The following RIN3 variants were observed in gnomAD, a reference collection of about 807,000 sequenced individuals.
The protein encoded by RIN3 is Ras and Rab interactor 3.
RIN3 carries 54 observed loss-of-function variants against 76.3 expected under a neutral mutation model. That is an observed-to-expected ratio of 0.71 (90% CI 0.57 to 0.89). RIN3 has a LOEUF of 0.89. RIN3 is among the 40% of genes least tolerant of loss of function. The pLI is 0.00. For synonymous variants in RIN3, 576 were observed against 564.0 expected, an observed-to-expected ratio of 1.02 and a Z score of -0.30; for missense variants, 1,256 against 1,322.1, an observed-to-expected ratio of 0.95 and a Z score of 0.78.
chr14:92,662,742 C>T (rs1255226955), intron 7 of RIN3, among the ~76,000 whole-genome samples: 1 of 152,162 alleles, frequency 6.6e-6, no homozygotes, highest in Non-Finnish European at 1.5e-5. Context: ...GGGGCAATTC[C>T]ATTCTCAATG....
chr14:92,582,442 C>T (rs979046633), intron 3 of RIN3, among the ~76,000 whole-genome samples: 3 of 117,554 alleles, frequency 2.6e-5, no homozygotes, highest in Non-Finnish European at 5.0e-5. Context: ...TCCTTTTTTA[C>T]TTTTTTTTTT....
At chr14:92,645,965 A>G (rs929946651) in intron 5 of RIN3, among the ~76,000 whole-genome samples, 1 of 142,548 alleles carries the variant, frequency 7.0e-6, no homozygotes, top group African/African-American at 2.6e-5. Flanking sequence ...AAAAAAAAAA[A>G]GCTCTAAAAT....
At chr14:92,560,066 G>C (rs1897717733) in intron 2 of RIN3, among the ~76,000 whole-genome samples, 1 of 152,222 alleles carries the variant, frequency 6.6e-6, no homozygotes, top group African/African-American at 2.4e-5. Flanking sequence ...AGGCCACGGG[G>C]CTTAGTTCAT....
In RIN3 at chr14:92,555,871, G is replaced by C. The variant is rs949731165; in HGVS notation, c.165G>C (p.Lys55Asn). 1.2e-5 allele frequency: 19 copies of C among 1,614,048 alleles called. No homozygotes were observed. Among genetic ancestry groups the C allele is most frequent in the Non-Finnish European group, 1.4e-5 (17 of 1,180,044 alleles). The part of the protein sequence containing the change: ...PHRRGISILE[K>N]LIKTCPVWLQ... ...GCCGGGGCATCAGCATCCTGGAGAA[G>C]CTCATCAAAACATGCCCGGTGTGGC... Residue 55 changes from lysine (K) to asparagine (N), a missense_variant, in exon 2 of 10, where the codon AAG becomes AAC. Coordinates refer to ENST00000216487, the MANE Select transcript of RIN3 (RefSeq NM_024832.5).
chr14:92,522,570 C>A (rs1896629059), intron 1 of RIN3, among the ~76,000 whole-genome samples: 1 of 152,154 alleles, frequency 6.6e-6, no homozygotes, highest in Non-Finnish European at 1.5e-5. Context: ...ATATTATGAT[C>A]ATTTTAATGG....
intron 4 of RIN3, among the ~76,000 whole-genome samples, chr14:92,631,994 G>T (rs11621587): frequency 1.3e-5 from 2 of 152,064 alleles, no homozygotes; most frequent in Non-Finnish European, 2.9e-5. Context: ...TCATATACAA[G>T]GGGTGATTCA....
intron 2 of RIN3, among the ~76,000 whole-genome samples, chr14:92,563,752 G>A (rs1204005314): frequency 1.3e-5 from 2 of 152,188 alleles, no homozygotes; most frequent in Non-Finnish European, 2.9e-5. Flanking sequence ...CCAGAGTTGA[G>A]AATTGCTGCT....
chr14:92,571,341 C>T (rs975323949), intron 2 of RIN3, among the ~76,000 whole-genome samples: 1 of 152,124 alleles, frequency 6.6e-6, no homozygotes, highest in Non-Finnish European at 1.5e-5. Context: ...GGGGAGTGTT[C>T]TGAGGGGGTC....
intron 3 of RIN3, among the ~76,000 whole-genome samples, chr14:92,610,470 G>T (rs949157442): frequency 4.6e-5 from 7 of 152,244 alleles, no homozygotes; most frequent in African/African-American, 1.2e-4. Flanking sequence ...GCATGGTGTT[G>T]GGCTCAGGGC....
chr14:92,541,088 A>T lies in RIN3; in HGVS notation c.45-14663A>T, dbSNP rs539652614. Among the ~76,000 whole-genome samples the T allele has an allele frequency of 3.9e-5, 6 of 152,358 alleles. No homozygotes were observed. In the South Asian group the frequency reaches 1.2e-3, roughly 32 times the overall value. On this transcript the variant is annotated intron_variant, in intron 1 of 9. Transcript: ENST00000216487. ...TACTATTTGTATTAAGAGGCTGCTG[A>T]ACCTGGAGAAGGAAAGTGAGTTGCC...
chr14:92,522,791 A>T (rs1896634548), intron 1 of RIN3, among the ~76,000 whole-genome samples: 1 of 152,126 alleles, frequency 6.6e-6, no homozygotes, highest in Non-Finnish European at 1.5e-5. Context: ...AACATTTCCC[A>T]ATTTTCTTGC....
At chr14:92,543,982 C>T (rs1438941420) in intron 1 of RIN3, among the ~76,000 whole-genome samples, 1 of 152,152 alleles carries the variant, frequency 6.6e-6, no homozygotes, top group Non-Finnish European at 1.5e-5. Context: ...CTAATTCAGC[C>T]CTAGCTTCCT....
chr14:92,548,643 A>G (rs1453629500), intron 1 of RIN3, among the ~76,000 whole-genome samples: 1 of 151,940 alleles, frequency 6.6e-6, no homozygotes, highest in Admixed American at 6.6e-5. Flanking sequence ...TCATAACTCC[A>G]TTCTCTACCT....
At chr14:92,615,523 A>C in intron 4 of RIN3, 44 bp downstream of exon 4, 1 of 1,521,690 alleles carries the variant, frequency 6.6e-7, no homozygotes, top group African/African-American at 1.4e-5. Flanking sequence ...GTTGTAGCAA[A>C]CATCACATGC....
At chr14:92,579,299 G>A (rs566585644) in intron 3 of RIN3, among the ~76,000 whole-genome samples, 1 of 152,344 alleles carries the variant, frequency 6.6e-6, no homozygotes, top group South Asian at 2.1e-4. Context: ...CAGGCAAGGA[G>A]GAGGTTTGTT....
rs374651957 is a variant in RIN3, at chr14:92,645,627, C to T, written c.532+4298C>T. Among the ~76,000 whole-genome samples, 5 of 152,292 alleles carry T rather than the reference C, an allele frequency of 3.3e-5. No homozygotes were observed. The South Asian group carries it at 6.2e-4, about 19-fold the overall frequency. The stretch of plus-strand genomic sequence containing the variant: ...TAGAAAGGGGGATGGAGAGTGACTG[C>T]TAAATAGGCACGGGCTTTCTTTTGG... On this transcript the variant is annotated intron_variant, in intron 5 of 9. Transcript: ENST00000216487.
chr14:92,526,350 T>C (rs1043965799), intron 1 of RIN3, among the ~76,000 whole-genome samples: 1 of 151,750 alleles, frequency 6.6e-6, no homozygotes, highest in Admixed American at 6.6e-5. Context: ...TCCCAGCTAC[T>C]TGGGAGGCTG....
At chr14:92,600,302 A>G (rs1333198874) in intron 3 of RIN3, among the ~76,000 whole-genome samples, 2 of 152,136 alleles carry the variant, frequency 1.3e-5, no homozygotes, top group African/African-American at 2.4e-5. Context: ...TTAGGGCACA[A>G]TCCAGTGCCC....
chr14:92,567,289 C>A (rs531509190), intron 2 of RIN3, among the ~76,000 whole-genome samples: 1 of 152,340 alleles, frequency 6.6e-6, no homozygotes, highest in African/African-American at 2.4e-5. Flanking sequence ...ACATAACAAA[C>A]CAACATTCAG....
Sources: gnomAD v4.1 joint callset for allele counts (sites outside exome capture counted in the v4.1 genomes callset) on GRCh38, gnomAD v4.1.1 for gene constraint, MANE v1.5 for transcripts, NCBI Gene and HGNC (gene_info 2026-07-23, HGNC 2026-07-21) for gene names.